TNS3: variants seen among roughly 807,000 people sequenced by gnomAD.
The protein encoded by TNS3 is tensin 3, also known as tensin-3.
A neutral mutation model predicts 140.9 loss-of-function variants in TNS3; 45 were observed. The ratio of observed to expected loss-of-function variants is 0.32; its 90% CI spans 0.25 to 0.41. The LOEUF is 0.41. Ranked by LOEUF, TNS3 falls within the 10% of genes least tolerant of loss-of-function variation. TNS3 has a pLI of 1.00. For missense variants in TNS3, 1,716 were observed against 1,906.7 expected (o/e 0.90, Z 1.86); for synonymous variants, 815 against 788.4 (o/e 1.03, Z -0.56).
chr7:47,413,994 C>T lies in TNS3; in HGVS notation c.590G>A (p.Cys197Tyr). Reference sequence around the variant, plus strand: ...TTGGTAGAGCTTCAGAAAGGGCCGGCACACTGAAAGAAAGGCACAACTGTC... The same window carrying T: ...TTGGTAGAGCTTCAGAAAGGGCCGGTACACTGAAAGAAAGGCACAACTGTC... Reference protein sequence around the residue: ...GTPNFDTGGVCRPFLKLYQAM... With the variant: ...GTPNFDTGGVYRPFLKLYQAM... The change falls in exon 12 of 31, where the codon TGC becomes TAC. Residue 197 changes from cysteine to tyrosine, a missense_variant. By Grantham distance (194) the Cys-to-Tyr change is radical (BLOSUM62 -2). Around this residue, in one of 3 missense-constraint regions of TNS3, gnomAD observed 337 missense variants for 428.9 expected, o/e 0.79. Transcript: ENST00000311160. The T allele has an allele frequency of 4.3e-6, 7 of 1,613,630 alleles. No individual in the cohort carries two copies. The highest frequency in any genetic ancestry group is 5.9e-6 in the Non-Finnish European group (7 of 1,179,892).
chr7:47,340,113 ATATTTTTTTTTT>A (rs1788901740), intron 20 of TNS3, among the ~76,000 whole-genome samples: 1 of 42,050 alleles, frequency 2.4e-5, no homozygotes, highest in Non-Finnish European at 4.4e-5. Flanking sequence ...ATATATATAT[ATATTTTTTTTTT>A]TTTTTTTTTT....
chr7:47,556,274 A>AT (rs1800193550), intron 1 of TNS3, among the ~76,000 whole-genome samples: 4 of 152,326 alleles, frequency 2.6e-5, no homozygotes, highest in African/African-American at 9.6e-5. Context: ...TCAAAACGTG[A>AT]TTTTTAAAAA....
At chr7:47,406,168 G>T (rs1044488696) in intron 13 of TNS3, among the ~76,000 whole-genome samples, 5 of 152,190 alleles carry the variant, frequency 3.3e-5, no homozygotes, top group African/African-American at 1.2e-4. Flanking sequence ...GAAAGGAGCA[G>T]ACTTAAGAAT....
At chr7:47,486,612 G>A (rs1797624644) in intron 3 of TNS3, among the ~76,000 whole-genome samples, 1 of 152,188 alleles carries the variant, frequency 6.6e-6, no homozygotes, top group African/African-American at 2.4e-5. Context: ...TAAGGAGTGA[G>A]ATCAACTCTT....
chr7:47,278,533 C>T (rs898671699), intron 30 of TNS3: 10 of 271,870 alleles, frequency 3.7e-5, no homozygotes, highest in Non-Finnish European at 6.9e-5. Context: ...TGCTTCCCCA[C>T]GCCAGGGCCA....
At position 47,506,949 on chromosome 7, in the gene TNS3, GA is replaced by G. The variant is rs148358400; in HGVS notation, c.-152-6del. The G allele has an allele frequency of 0.015, 16,646 of 1,112,946 alleles. 77 individuals are homozygous for G. The highest frequency in any genetic ancestry group is 0.017 in the Middle Eastern group (69 of 4,148). The allele number at this position is 1,112,946 out of a possible 1,614,324, so 68.9% of individuals were successfully genotyped here. On this transcript the variant is annotated splice_polypyrimidine_tract_variant and splice_region_variant and intron_variant, in intron 2 of 30. Transcript: ENST00000311160. ...TGTGGCAGGAATACTTGCAGGCTGG[GA>G]AAAAAAAAAAGAGAAAGAATGTGTG...
At chr7:47,312,190 T>G (rs1787143643) in intron 20 of TNS3, among the ~76,000 whole-genome samples, 1 of 152,238 alleles carries the variant, frequency 6.6e-6, no homozygotes, top group South Asian at 2.1e-4. Flanking sequence ...ATAGAGCAGA[T>G]GCAGTTGTGT....
At chr7:47,417,392 G>A (rs1584612063) in intron 10 of TNS3, among the ~76,000 whole-genome samples, 1 of 152,380 alleles carries the variant, frequency 6.6e-6, no homozygotes, top group East Asian at 1.9e-4. Context: ...CAAGCTGACA[G>A]CAGAAGAACT....
At chr7:47,321,409 A>G (rs904512222) in intron 20 of TNS3, among the ~76,000 whole-genome samples, 1 of 152,206 alleles carries the variant, frequency 6.6e-6, no homozygotes, top group African/African-American at 2.4e-5. Flanking sequence ...TATGGAGCCC[A>G]GCTCCATTCC....
Position 47,385,435 on chromosome 7 carries a change from G to C in TNS3, c.1024+11365C>G, listed in dbSNP as rs147722026. The stretch of plus-strand genomic sequence containing the variant: ...CCAGCCCTGTCCTGGCCTCTGCACG[G>C]AGCTGTGCCATCCAATTCAGCTCTG... On this transcript the variant is annotated intron_variant, in intron 16 of 30. Coordinates refer to ENST00000311160, the MANE Select transcript of TNS3 (RefSeq NM_022748.12). Among the ~76,000 whole-genome samples the C allele has an allele frequency of 1.4e-4, 21 of 152,276 alleles. No homozygotes were observed. In the East Asian group the frequency reaches 4.1e-3, roughly 29 times the overall value.
rs1358872148 is a variant in TNS3, at chr7:47,458,436, G to T, written c.-75-16381C>A. Among the ~76,000 whole-genome samples the T allele has an allele frequency of 2.0e-5, 3 of 152,242 alleles. No homozygotes were observed. In the South Asian group the frequency reaches 6.2e-4, roughly 32 times the overall value. On this transcript the variant is annotated intron_variant, in intron 4 of 30. Coordinates refer to ENST00000311160, the MANE Select transcript of TNS3 (RefSeq NM_022748.12). ...TCAGTGGCTCACATTTAGAACAGCT[G>T]TGCCTCCTGGATGCCCCAACCTTTT...
At chr7:47,346,141 G>C (rs1455091160) in intron 18 of TNS3, 46 bp downstream of exon 18, 2 of 1,601,168 alleles carry the variant, frequency 1.2e-6, no homozygotes, top group African/African-American at 2.7e-5. Flanking sequence ...GGACAAGAAA[G>C]GGAGTGGAAT....
intron 20 of TNS3, among the ~76,000 whole-genome samples, chr7:47,320,992 G>A (rs1019183066): frequency 1.2e-4 from 19 of 152,184 alleles, no homozygotes; most frequent in Non-Finnish European, 2.6e-4. Flanking sequence ...ACTGACATGA[G>A]GCATGTGGCT....
At chr7:47,401,430 G>T (rs1436294885) in intron 13 of TNS3, among the ~76,000 whole-genome samples, 2 of 152,188 alleles carry the variant, frequency 1.3e-5, no homozygotes, top group African/African-American at 4.8e-5. Flanking sequence ...ATGATTATGT[G>T]CATGCTGTAA....
intron 1 of TNS3, among the ~76,000 whole-genome samples, chr7:47,577,825 C>A (rs1800709657): frequency 6.6e-6 from 1 of 152,110 alleles, no homozygotes; most frequent in African/African-American, 2.4e-5. Context: ...GCTTCCTGCC[C>A]AGCGCTGGGG....
intron 3 of TNS3, among the ~76,000 whole-genome samples, chr7:47,490,507 G>C (rs183913616): frequency 1.3e-5 from 2 of 152,208 alleles, no homozygotes; most frequent in Admixed American, 1.3e-4. Flanking sequence ...GTCTGGGCTC[G>C]TCCTGGGTTT....
rs763570735 is a variant in TNS3, at chr7:47,369,244, C to A, written c.1402G>T (p.Ala468Ser). The A allele has an allele frequency of 6.2e-7, 1 of 1,614,064 alleles. No individual in the cohort carries two copies. Among genetic ancestry groups the A allele is most frequent in the East Asian group, 2.2e-5 (1 of 44,894 alleles). ...TCTGTCTCCCGATCCTTCAGAGCAGCGTCTCCATTCACGTGAACCTGGGCT... is the reference window on the plus strand; with the variant it reads ...TCTGTCTCCCGATCCTTCAGAGCAGAGTCTCCATTCACGTGAACCTGGGCT... ...VPAQVHVNGDAALKDRETDIL... is the reference protein window; with the variant it reads ...VPAQVHVNGDSALKDRETDIL... The change falls in exon 17 of 31, where the codon GCT becomes TCT. Residue 468 changes from alanine to serine, a missense_variant. Physicochemically the swap from Ala to Ser is moderately conservative, Grantham distance 99. Transcript: ENST00000311160.
intron 20 of TNS3, among the ~76,000 whole-genome samples, chr7:47,338,034 T>C (rs939218597): frequency 5.3e-5 from 8 of 152,232 alleles, no homozygotes; most frequent in African/African-American, 1.9e-4. Flanking sequence ...TTGTTGTGTG[T>C]ATGAATAATT....
intron 4 of TNS3, among the ~76,000 whole-genome samples, chr7:47,445,192 C>T (rs1795667008): frequency 6.6e-6 from 1 of 152,190 alleles, no homozygotes; most frequent in Non-Finnish European, 1.5e-5. Context: ...GCCCCAGACC[C>T]GCATCTGTCC....
Sources: gnomAD v4.1 joint callset for allele counts (sites outside exome capture counted in the v4.1 genomes callset) on GRCh38, gnomAD v4.1.1 for gene constraint, gnomAD v4.1.1 regional missense constraint, MANE v1.5 for transcripts, NCBI Gene and HGNC (gene_info 2026-07-23, HGNC 2026-07-21) for gene names.